The following NAV2 variants were observed in gnomAD, a reference collection of about 807,000 sequenced individuals.
NAV2 encodes neuron navigator 2.
A neutral mutation model predicts 223.2 loss-of-function variants in NAV2; 54 were observed. The observed-to-expected ratio is 0.24, with a 90% CI of 0.19 to 0.30. The LOEUF is 0.30. NAV2 is among the 10% of genes least tolerant of loss of function. NAV2 has a pLI of 1.00. For missense variants in NAV2, 2,806 were observed against 3,147.5 expected, an observed-to-expected ratio of 0.89 and a Z score of 2.60; for synonymous variants, 1,279 against 1,239.3, an observed-to-expected ratio of 1.03 and a Z score of -0.67.
intron 4 of NAV2, 35 bp downstream of exon 4, chr11:19,869,032 C>T (rs1033363353): frequency 3.8e-6 from 6 of 1,596,260 alleles, no homozygotes; most frequent in Non-Finnish European, 8.6e-7. Context: ...GCTGCCTCTT[C>T]ATCATTAGAA....
At chr11:19,631,085 C>T (rs2047331834) in intron 1 of NAV2, among the ~76,000 whole-genome samples, 2 of 149,972 alleles carry the variant, frequency 1.3e-5, no homozygotes. Context: ...TATCCATGGC[C>T]CTTTCTTTTT....
chr11:19,498,051 G>T (rs2042853840), intron 1 of NAV2, among the ~76,000 whole-genome samples: 1 of 152,314 alleles, frequency 6.6e-6, no homozygotes, highest in South Asian at 2.1e-4. Context: ...ACTTGCACGA[G>T]GACATGCACT....
At position 20,105,742 on chromosome 11, in the gene NAV2, G is replaced by A; in HGVS notation, c.6841+15G>A. 1 of 1,603,714 alleles carries A rather than the reference G, an allele frequency of 6.2e-7. No individual in the cohort carries two copies. The highest frequency in any genetic ancestry group is 8.5e-7 in the Non-Finnish European group (1 of 1,173,832). ...CGTCACCATCGGTGGGTGGGAGACTGGGGTCAGGGGGGCGGGCTGGCATCC... is the reference window on the plus strand; with the variant it reads ...CGTCACCATCGGTGGGTGGGAGACTAGGGTCAGGGGGGCGGGCTGGCATCC... On this transcript the variant is annotated intron_variant, in intron 35 of 37. Transcript: ENST00000349880.
chr11:19,526,991 G>T (rs1022967096), intron 1 of NAV2, among the ~76,000 whole-genome samples: 7 of 152,118 alleles, frequency 4.6e-5, no homozygotes, highest in African/African-American at 1.7e-4. Context: ...GCTGGGGAGG[G>T]AGAGTTGGTT....
intron 1 of NAV2, among the ~76,000 whole-genome samples, chr11:19,690,481 T>C (rs1395281615): frequency 2.6e-5 from 4 of 152,202 alleles, no homozygotes; most frequent in African/African-American, 9.6e-5. Context: ...CCCTATCTTT[T>C]AGGGTCATTG....
At chr11:19,666,414 G>A (rs567868439) in intron 1 of NAV2, among the ~76,000 whole-genome samples, 1 of 152,052 alleles carries the variant, frequency 6.6e-6, no homozygotes, top group Non-Finnish European at 1.5e-5. Flanking sequence ...GGTGTTCTTG[G>A]TAACTCCTCC....
At chr11:19,973,070 T>C (rs2049386753) in intron 10 of NAV2, among the ~76,000 whole-genome samples, 1 of 152,228 alleles carries the variant, frequency 6.6e-6, no homozygotes, top group South Asian at 2.1e-4. Context: ...ATTAGTCGCC[T>C]TCTCATTCTG....
At chr11:19,410,769 A>C (rs768221035) in intron 1 of NAV2, among the ~76,000 whole-genome samples, 4 of 152,246 alleles carry the variant, frequency 2.6e-5, no homozygotes, top group Non-Finnish European at 4.4e-5. Context: ...ATGGGGAAGA[A>C]GAAGGGCAGG....
chr11:19,577,455 C>T (rs1007184396), intron 1 of NAV2, among the ~76,000 whole-genome samples: 2 of 152,232 alleles, frequency 1.3e-5, no homozygotes, highest in African/African-American at 4.8e-5. Context: ...TCTGTGTGAG[C>T]CACCTGGCCT....
intron 1 of NAV2, among the ~76,000 whole-genome samples, chr11:19,715,686 C>CT (rs2050247981): frequency 6.6e-6 from 1 of 152,122 alleles, no homozygotes; most frequent in African/African-American, 2.4e-5. Flanking sequence ...ATTCATCACC[C>CT]TGTCCGTGAA....
intron 11 of NAV2, among the ~76,000 whole-genome samples, chr11:19,993,128 G>A (rs1272020830): frequency 6.6e-6 from 1 of 152,176 alleles, no homozygotes; most frequent in Non-Finnish European, 1.5e-5. Flanking sequence ...CCCTGCAATA[G>A]AAAATAACTT....
At chr11:19,527,937 GACACACACACACAC>G (rs67561376) in intron 1 of NAV2, among the ~76,000 whole-genome samples, 16 of 143,220 alleles carry the variant, frequency 1.1e-4, no homozygotes, top group South Asian at 2.3e-4. Context: ...TCCCTGCCCT[GACACACACACACAC>G]ACACACACAC....
chr11:20,112,373 T>A (rs7127421), intron 36 of NAV2, among the ~76,000 whole-genome samples: 3,768 of 151,190 alleles, frequency 0.025, 149 homozygotes, highest in African/African-American at 0.086. Context: ...ACGGGAGGAG[T>A]GCTGGTGTCT....
chr11:19,439,479 C>A (rs1015036584), intron 1 of NAV2, among the ~76,000 whole-genome samples: 13 of 152,082 alleles, frequency 8.5e-5, no homozygotes, highest in African/African-American at 3.1e-4. Context: ...TAGGAAGAGT[C>A]ATTCATTTTA....
rs774789573 is a variant in NAV2 at position 19,868,939 on chromosome 11, T to C, written c.453T>C (p.Asp151=). The C allele has an allele frequency of 6.2e-7, 1 of 1,613,964 alleles. No homozygotes were observed. The highest frequency in any genetic ancestry group is 8.5e-7 in the Non-Finnish European group (1 of 1,179,902). The part of the protein sequence containing the change: ...KNRSQMIENI[D]ACLNFLAAKG... The stretch of plus-strand genomic sequence containing the variant: ...TTCCCTCCTAGATTGAAAACATAGA[T>C]GCCTGCTTGAATTTCCTGGCAGCTA... Residue 151 remains aspartate, a synonymous_variant, in exon 4 of 38, where the codon GAT becomes GAC. Transcript: ENST00000349880.
intron 1 of NAV2, among the ~76,000 whole-genome samples, chr11:19,807,100 CA>C (rs2058610026): frequency 6.6e-6 from 1 of 152,184 alleles, no homozygotes; most frequent in Non-Finnish European, 1.5e-5. Context: ...GTGATGTGTG[CA>C]TTGCGGACAA....
At chr11:19,812,769 G>A (rs1187171171) in intron 1 of NAV2, among the ~76,000 whole-genome samples, 4 of 152,164 alleles carry the variant, frequency 2.6e-5, no homozygotes, top group South Asian at 2.1e-4. Flanking sequence ...ATTTGTCTGC[G>A]ATCATAGCAG....
At chr11:19,630,363 C>G (rs1484283855) in intron 1 of NAV2, among the ~76,000 whole-genome samples, 2 of 152,134 alleles carry the variant, frequency 1.3e-5, no homozygotes, top group Non-Finnish European at 2.9e-5. Flanking sequence ...GGTCATTTAG[C>G]TTCTCCAGAT....
intron 1 of NAV2, among the ~76,000 whole-genome samples, chr11:19,379,899 C>G (rs1203842927): frequency 6.6e-6 from 1 of 152,130 alleles, no homozygotes; most frequent in Non-Finnish European, 1.5e-5. Context: ...CAGGCTCTTC[C>G]AAATCACCAA....
Sources: gnomAD v4.1 joint callset for allele counts (sites outside exome capture counted in the v4.1 genomes callset) on GRCh38, gnomAD v4.1.1 for gene constraint, MANE v1.5 for transcripts, NCBI Gene and HGNC (gene_info 2026-07-23, HGNC 2026-07-21) for gene names.